SCN8A: variants seen among roughly 807,000 people sequenced by gnomAD.
SCN8A encodes sodium voltage-gated channel alpha subunit 8, also known as sodium channel protein type 8 subunit alpha.
SCN8A carries 30 observed loss-of-function variants against 184.1 expected under a neutral mutation model. That is an observed-to-expected ratio of 0.16 (90% CI 0.12 to 0.22). The LOEUF is 0.22. Among genes scored for constraint, SCN8A ranks in the 10% least tolerant of loss-of-function variants. The pLI, the probability that SCN8A is intolerant of heterozygous loss-of-function variation, is 1.00. For missense variants in SCN8A, 1,057 were observed against 2,498.9 expected, an observed-to-expected ratio of 0.42 and a Z score of 12.30; for synonymous variants, 852 against 907.0, an observed-to-expected ratio of 0.94 and a Z score of 1.09.
intron 9 of SCN8A, among the ~76,000 whole-genome samples, chr12:51,704,264 C>T (rs1242169709): frequency 6.6e-6 from 1 of 152,148 alleles, no homozygotes. Flanking sequence ...AACCTAAAAC[C>T]TAGTTTCCTT....
chr12:51,614,786 T>TC (rs1417981310), intron 1 of SCN8A, among the ~76,000 whole-genome samples: 2 of 149,178 alleles, frequency 1.3e-5, no homozygotes, highest in Non-Finnish European at 3.0e-5. Flanking sequence ...TGTATGTTCT[T>TC]TTTTTTTTTT....
chr12:51,777,412 A>G (rs1012832815), intron 20 of SCN8A, among the ~76,000 whole-genome samples: 1 of 152,144 alleles, frequency 6.6e-6, no homozygotes, highest in East Asian at 1.9e-4. Flanking sequence ...GACACGTGCC[A>G]AGGCGCCCAG....
chr12:51,731,466 G>GT (rs1942241607), intron 12 of SCN8A, among the ~76,000 whole-genome samples: 3 of 151,842 alleles, frequency 2.0e-5, no homozygotes, highest in Admixed American at 1.3e-4. Flanking sequence ...GGCCAGGCTG[G>GT]TTTCAAACCC....
intron 1 of SCN8A, among the ~76,000 whole-genome samples, chr12:51,615,585 C>A (rs1939817610): frequency 6.6e-6 from 1 of 151,884 alleles, no homozygotes; most frequent in African/African-American, 2.4e-5. Context: ...AATGTTAGTA[C>A]CGTGTAGATC....
chr12:51,608,393 T>A (rs1279530282), intron 1 of SCN8A, among the ~76,000 whole-genome samples: 1 of 152,156 alleles, frequency 6.6e-6, no homozygotes, highest in Admixed American at 6.5e-5. Context: ...TGGTAATTTT[T>A]AAATTACTGT....
At chr12:51,708,553 C>T (rs1323335556) in intron 11 of SCN8A, among the ~76,000 whole-genome samples, 1 of 152,086 alleles carries the variant, frequency 6.6e-6, no homozygotes, top group Non-Finnish European at 1.5e-5. Context: ...AGTGTCTTTT[C>T]TTTTTTCCCA....
intron 11 of SCN8A, chr12:51,713,505 C>G (rs1385094896): frequency 2.6e-6 from 2 of 763,938 alleles, no homozygotes; most frequent in Non-Finnish European, 4.8e-6. Context: ...ACAGTTTTCT[C>G]AACTGCTCTG....
intron 12 of SCN8A, among the ~76,000 whole-genome samples, chr12:51,737,681 A>G (rs1488412437): frequency 6.6e-6 from 1 of 152,214 alleles, no homozygotes; most frequent in Non-Finnish European, 1.5e-5. Context: ...AGCTATAATT[A>G]AACCAGCACG....
intron 1 of SCN8A, among the ~76,000 whole-genome samples, chr12:51,636,018 G>A (rs979079123): frequency 1.4e-4 from 22 of 152,180 alleles, no homozygotes; most frequent in African/African-American, 3.1e-4. Flanking sequence ...GTTTTGAGAC[G>A]CAATCTCGCT....
At chr12:51,640,400 C>CTGA (rs2138631524) in intron 1 of SCN8A, among the ~76,000 whole-genome samples, 1 of 151,658 alleles carries the variant, frequency 6.6e-6, no homozygotes, top group East Asian at 1.9e-4. Flanking sequence ...CACAATAAGC[C>CTGA]TGAGGTATGC....
chr12:51,623,369 A>T (rs545310169), intron 1 of SCN8A, among the ~76,000 whole-genome samples: 1 of 152,326 alleles, frequency 6.6e-6, no homozygotes, highest in African/African-American at 2.4e-5. Flanking sequence ...AGTACTGCAG[A>T]GTTCATTCTA....
At chr12:51,669,044 G>A (rs1283855564) in intron 2 of SCN8A, among the ~76,000 whole-genome samples, 1 of 152,166 alleles carries the variant, frequency 6.6e-6, no homozygotes, top group Non-Finnish European at 1.5e-5. Flanking sequence ...CATATTGAAT[G>A]CTGTAGACAT....
chr12:51,625,174 C>G (rs962545750), intron 1 of SCN8A, among the ~76,000 whole-genome samples: 1 of 152,204 alleles, frequency 6.6e-6, no homozygotes, highest in Non-Finnish European at 1.5e-5. Context: ...TTTCCCTGTG[C>G]ATCTCCCTGT....
intron 24 of SCN8A, among the ~76,000 whole-genome samples, 183 bp from the exon 25 acceptor site, chr12:51,790,215 A>G (rs1042362208): frequency 1.3e-5 from 2 of 152,194 alleles, no homozygotes; most frequent in Non-Finnish European, 2.9e-5. Context: ...TGAGCTAAAA[A>G]CAAAGGCAGG....
chr12:51,608,693 T>A (rs1021207753), intron 1 of SCN8A, among the ~76,000 whole-genome samples: 38 of 152,306 alleles, frequency 2.5e-4, no homozygotes, highest in African/African-American at 9.1e-4. Flanking sequence ...AAGAACCAGC[T>A]TTTTGTTTCA....
At chr12:51,795,406 T>G (rs559585994) in intron 26 of SCN8A, among the ~76,000 whole-genome samples, 4 of 152,338 alleles carry the variant, frequency 2.6e-5, no homozygotes, top group Non-Finnish European at 5.9e-5. Context: ...AAGGCATCTT[T>G]TGTGATAAAA....
intron 19 of SCN8A, among the ~76,000 whole-genome samples, chr12:51,772,746 T>C (rs7133959): frequency 0.12 from 17,722 of 148,968 alleles, 1,236 homozygotes; most frequent in East Asian, 0.36. Flanking sequence ...TTTGGGAGGC[T>C]GAGGCGGGCG....
chr12:51,739,151 C>A (rs904686792), intron 12 of SCN8A, among the ~76,000 whole-genome samples: 5 of 152,068 alleles, frequency 3.3e-5, no homozygotes, highest in African/African-American at 9.7e-5. Flanking sequence ...TTTCTACATT[C>A]TTTTTTAGTA....
At chr12:51,684,469 AATT>A (rs1183150104) in intron 3 of SCN8A, among the ~76,000 whole-genome samples, 177 bp downstream of exon 3, 2 of 152,192 alleles carry the variant, frequency 1.3e-5, no homozygotes, top group Admixed American at 6.5e-5. Context: ...AGCTTCAGCA[AATT>A]ATTATTTTTT....
Sources: allele counts gnomAD v4.1 joint callset (sites outside exome capture counted in the v4.1 genomes callset), GRCh38; gene constraint gnomAD v4.1.1; transcripts MANE v1.5; gene names NCBI Gene and HGNC (gene_info 2026-07-23, HGNC 2026-07-21).